DPP10: variants seen among roughly 807,000 people sequenced by gnomAD.
The protein encoded by DPP10 is dipeptidyl peptidase like 10.
In DPP10, 33 loss-of-function variants were observed where a neutral mutation model predicts 120.9. The observed-to-expected ratio is 0.27, with a 90% CI of 0.21 to 0.37. DPP10 has a LOEUF of 0.37. Among genes scored for constraint, DPP10 ranks in the 10% least tolerant of loss-of-function variants. The pLI, the probability that DPP10 is intolerant of heterozygous loss-of-function variation, is 1.00. For missense variants in DPP10, 816 were observed against 942.8 expected (o/e 0.87, Z 1.76); for synonymous variants, 337 against 326.1 (o/e 1.03, Z -0.36).
intron 21 of DPP10, among the ~76,000 whole-genome samples, chr2:115,816,247 A>G (rs1174862514): frequency 6.6e-6 from 1 of 152,222 alleles, no homozygotes; most frequent in Non-Finnish European, 1.5e-5. Context: ...AAAACAAAGA[A>G]AAACTGATAC....
chr2:114,560,400 A>G (rs1408987028), intron 1 of DPP10, among the ~76,000 whole-genome samples: 3 of 152,340 alleles, frequency 2.0e-5, no homozygotes, highest in South Asian at 4.1e-4. Flanking sequence ...GTTTTATCTA[A>G]GACATGTTGG....
intron 19 of DPP10, 62 bp downstream of exon 19, chr2:115,791,418 C>A: frequency 1.4e-6 from 2 of 1,397,340 alleles, no homozygotes; most frequent in Non-Finnish European, 9.8e-7. Context: ...TTGTGTCTCA[C>A]ATGACAACAT....
intron 5 of DPP10, among the ~76,000 whole-genome samples, chr2:115,672,991 C>T (rs555608843): frequency 9.2e-5 from 14 of 152,104 alleles, no homozygotes; most frequent in African/African-American, 2.7e-4. Context: ...TCAGGTGATC[C>T]GCCTGTCTTG....
intron 1 of DPP10, among the ~76,000 whole-genome samples, chr2:114,951,502 G>A (rs368150504): frequency 4.3e-4 from 65 of 152,034 alleles, no homozygotes; most frequent in East Asian, 1.4e-3. Flanking sequence ...TCATTCCCAC[G>A]TTGCTTCCAT....
chr2:115,033,172 G>A (rs1347004116), intron 1 of DPP10, among the ~76,000 whole-genome samples: 4 of 152,158 alleles, frequency 2.6e-5, no homozygotes, highest in African/African-American at 9.7e-5. Flanking sequence ...TGGCAGACTT[G>A]ACACTGAGGC....
At chr2:114,571,133 A>C (rs1353736560) in intron 1 of DPP10, among the ~76,000 whole-genome samples, 3 of 152,056 alleles carry the variant, frequency 2.0e-5, no homozygotes, top group Non-Finnish European at 4.4e-5. Context: ...CCCCACCCAA[A>C]TCTCATGTTG....
At chr2:114,947,437 T>G (rs1458173128) in intron 1 of DPP10, among the ~76,000 whole-genome samples, 1 of 151,890 alleles carries the variant, frequency 6.6e-6, no homozygotes, top group South Asian at 2.1e-4. Flanking sequence ...TTTTTTTATG[T>G]GAATTTGAGT....
chr2:115,589,487 C>G (rs1365250247), intron 5 of DPP10, among the ~76,000 whole-genome samples: 1 of 152,142 alleles, frequency 6.6e-6, no homozygotes, highest in Non-Finnish European at 1.5e-5. Flanking sequence ...TGCCTTCCTA[C>G]TTTCCGTCAA....
chr2:115,254,162 G>A (rs772068519), intron 1 of DPP10, among the ~76,000 whole-genome samples: 1 of 152,162 alleles, frequency 6.6e-6, no homozygotes, highest in Non-Finnish European at 1.5e-5. Flanking sequence ...AGGTTTAATT[G>A]ACTCACAGTA....
intron 5 of DPP10, among the ~76,000 whole-genome samples, chr2:115,652,770 G>T (rs560740147): frequency 2.2e-4 from 34 of 151,876 alleles, no homozygotes; most frequent in Non-Finnish European, 3.1e-4. Context: ...TGGATTGGAT[G>T]AGGCCCACTC....
chr2:114,893,665 A>G (rs1271141619), intron 1 of DPP10, among the ~76,000 whole-genome samples: 2 of 152,166 alleles, frequency 1.3e-5, no homozygotes, highest in Admixed American at 1.3e-4. Flanking sequence ...ACAAAGTTTG[A>G]TCTTTACTTC....
intron 1 of DPP10, among the ~76,000 whole-genome samples, chr2:115,177,428 G>A (rs925133298): frequency 3.3e-5 from 5 of 152,066 alleles, no homozygotes; most frequent in Non-Finnish European, 2.9e-5. Flanking sequence ...CGGTGCTAAC[G>A]GAGTCTATTT....
chr2:115,194,682 A>C (rs1354110363), intron 1 of DPP10, among the ~76,000 whole-genome samples: 1 of 152,146 alleles, frequency 6.6e-6, no homozygotes, highest in African/African-American at 2.4e-5. Flanking sequence ...AGGGCATAAG[A>C]GTCTATCCAT....
At chr2:115,208,132 G>A (rs538685536) in intron 1 of DPP10, among the ~76,000 whole-genome samples, 4 of 151,270 alleles carry the variant, frequency 2.6e-5, no homozygotes, top group African/African-American at 4.9e-5. Flanking sequence ...AAGCTAGATA[G>A]TATCAAAGCT....
chr2:115,507,761 C>T (rs2077021933), intron 4 of DPP10, among the ~76,000 whole-genome samples: 1 of 152,066 alleles, frequency 6.6e-6, no homozygotes, highest in South Asian at 2.1e-4. Flanking sequence ...TTTAAAAGTA[C>T]ACTCTGTCAA....
chr2:114,686,624 G>A (rs759650281), intron 1 of DPP10, among the ~76,000 whole-genome samples: 1 of 151,844 alleles, frequency 6.6e-6, no homozygotes, highest in Non-Finnish European at 1.5e-5. Flanking sequence ...CTGAATGGCC[G>A]AGCTTAAGTT....
intron 1 of DPP10, among the ~76,000 whole-genome samples, chr2:114,502,727 T>C (rs2104523995): frequency 6.6e-6 from 1 of 152,338 alleles, no homozygotes; most frequent in South Asian, 2.1e-4. Flanking sequence ...TAGTAAGTAC[T>C]AACCTACTCA....
At chr2:114,640,853 T>C (rs1280612700) in intron 1 of DPP10, among the ~76,000 whole-genome samples, 3 of 151,906 alleles carry the variant, frequency 2.0e-5, no homozygotes, top group Non-Finnish European at 2.9e-5. Flanking sequence ...GTCAACCCGG[T>C]CTTGGAATGA....
intron 3 of DPP10, among the ~76,000 whole-genome samples, chr2:115,492,870 C>T (rs1359229452): frequency 6.6e-6 from 1 of 151,956 alleles, no homozygotes; most frequent in Non-Finnish European, 1.5e-5. Context: ...CACAGGAGTT[C>T]AGAAGAGAGG....
Sources: gnomAD v4.1 joint callset for allele counts (sites outside exome capture counted in the v4.1 genomes callset) on GRCh38, gnomAD v4.1.1 for gene constraint, MANE v1.5 for transcripts, NCBI Gene and HGNC (gene_info 2026-07-23, HGNC 2026-07-21) for gene names.